Variants in PHGDH observed in about 807,000 individuals in gnomAD.
The protein encoded by PHGDH is phosphoglycerate dehydrogenase.
Under a neutral mutation model 52.6 loss-of-function variants are expected in PHGDH, and 50 were observed. The ratio of observed to expected loss-of-function variants is 0.95; its 90% CI spans 0.76 to 1.20. The LOEUF (loss-of-function observed/expected upper bound fraction) is 1.20, where lower values mean the gene tolerates loss of function less well. PHGDH is among the 50% of genes most tolerant of loss of function. The pLI is 0.00. For missense variants in PHGDH, 630 were observed against 684.6 expected (o/e 0.92, Z 0.89); for synonymous variants, 271 against 280.5 (o/e 0.97, Z 0.34).
At chr1:119,720,858 A>G (rs995256998) in intron 1 of PHGDH, 16 of 400,146 alleles carry the variant, frequency 4.0e-5, no homozygotes, top group Non-Finnish European at 7.1e-5. Context: ...TGCAGGCATC[A>G]TGGTGCTGTC....
At chr1:119,742,191 A>G (rs966918601) in intron 10 of PHGDH, 7 of 453,242 alleles carry the variant, frequency 1.5e-5, no homozygotes, top group African/African-American at 1.4e-4. Context: ...TCTGCCCGAC[A>G]TGGCTGCCAG....
rs1652224641 is a variant in PHGDH at position 119,741,873 on chromosome 1, G to A, written c.1185G>A (p.Leu395=). ...QADVNLVNAK[L]LVKEAGLNVT... ...ATGTGAACTTGGTGAACGCTAAGCT[G>A]CTGGTGAAAGAGGCTGGCCTCAATG... is the stretch of plus-strand genomic sequence containing the variant. The change falls in exon 10 of 12, where the codon CTG becomes CTA. Residue 395 remains leucine (L), a synonymous_variant. Coordinates refer to ENST00000641023, the MANE Select transcript of PHGDH (RefSeq NM_006623.4). The A allele has an allele frequency of 1.2e-6, 2 of 1,614,068 alleles. No homozygotes were observed. The highest frequency in any genetic ancestry group is 2.2e-5 in the South Asian group (2 of 91,082).
intron 8 of PHGDH, chr1:119,739,402 C>CTTGTCTGGA (rs889481447): frequency 1.6e-4 from 25 of 152,360 alleles, no homozygotes; most frequent in African/African-American, 4.3e-4. Context: ...TTGTCTGTGA[C>CTTGTCTGGA]TCCTTGGAGA....
At chr1:119,735,966 T>C (rs1218133412) in intron 7 of PHGDH, among the ~76,000 whole-genome samples, 4 of 152,196 alleles carry the variant, frequency 2.6e-5, no homozygotes, top group African/African-American at 9.7e-5. Context: ...GAGCAGAGGC[T>C]CAGCCTCACA....
intron 2 of PHGDH, among the ~76,000 whole-genome samples, chr1:119,721,842 A>T (rs1371388935): frequency 6.6e-6 from 1 of 152,152 alleles, no homozygotes; most frequent in Non-Finnish European, 1.5e-5. Context: ...CTAAGACACT[A>T]GTTTCTCTTT....
At chr1:119,727,149 T>A (rs1557972086) in intron 5 of PHGDH, 47 bp downstream of exon 5, 1 of 1,215,088 alleles carries the variant, frequency 8.2e-7, no homozygotes, top group Admixed American at 1.7e-5. Flanking sequence ...CTGCAGCAAT[T>A]TTGGGAAAGG....
rs2101220637 is a variant in PHGDH at position 119,741,758 on chromosome 1, T to C, written c.1079-9T>C. 2 of 1,613,504 alleles carry C rather than the reference T, an allele frequency of 1.2e-6. No homozygotes were observed. The highest frequency in any genetic ancestry group is 1.7e-6 in the Non-Finnish European group (2 of 1,179,430). The stretch of plus-strand genomic sequence containing the variant: ...CAGTGACCTCATGGTAGCTTCTCTC[T>C]GTCCCCAGGAACATCCCTGAAGAAT... On this transcript the variant is annotated splice_polypyrimidine_tract_variant and intron_variant, in intron 9 of 11. Coordinates refer to ENST00000641023, the MANE Select transcript of PHGDH (RefSeq NM_006623.4).
chr1:119,717,384 G>A (rs1650982143), intron 1 of PHGDH, among the ~76,000 whole-genome samples: 1 of 151,824 alleles, frequency 6.6e-6, no homozygotes, highest in African/African-American at 2.4e-5. Context: ...CTTTTTCCAT[G>A]CAGAAGTTTA....
rs369944394 is a variant in PHGDH at position 119,734,695 on chromosome 1, T to A, written c.572T>A (p.Leu191Gln). 1.8e-5 allele frequency: 29 copies of A among 1,613,962 alleles called. No homozygotes were observed. The African/African-American group carries it at 3.6e-4, about 20-fold the overall frequency. ...EVSASFGVQQ[L>Q]PLEEIWPLCD... Reference sequence around the variant, plus strand: ...TCGGCCTCCTTTGGTGTTCAGCAGCTGCCCCTGGAGGAGATCTGGCCTCTC... The same window carrying A: ...TCGGCCTCCTTTGGTGTTCAGCAGCAGCCCCTGGAGGAGATCTGGCCTCTC... Residue 191 changes from leucine to glutamine, a missense_variant, in exon 6 of 12, where the codon CTG (leucine) becomes CAG (glutamine). Leu to Gln is a moderately radical substitution (Grantham distance 113). Coordinates refer to ENST00000641023, the MANE Select transcript of PHGDH (RefSeq NM_006623.4).
chr1:119,733,367 A>G (rs1464432323), intron 5 of PHGDH, among the ~76,000 whole-genome samples: 1 of 142,668 alleles, frequency 7.0e-6, no homozygotes, highest in Non-Finnish European at 1.5e-5. Flanking sequence ...TTTCTGAGAC[A>G]TCTTGTTCTG....
At chr1:119,733,039 C>T (rs1398890814) in intron 5 of PHGDH, among the ~76,000 whole-genome samples, 3 of 152,218 alleles carry the variant, frequency 2.0e-5, no homozygotes, top group African/African-American at 4.8e-5. Context: ...CCCATCTCCT[C>T]GCCTGGACAC....
intron 3 of PHGDH, among the ~76,000 whole-genome samples, chr1:119,726,179 A>AGTGTGTGTGTGT (rs55671458): frequency 3.0e-5 from 4 of 131,268 alleles, no homozygotes; most frequent in East Asian, 2.3e-4. Flanking sequence ...GGCTGTGAAG[A>AGTGTGTGTGTGT]GTGTGTGTGT....
chr1:119,712,792 T>G (rs1650757614), intron 1 of PHGDH, among the ~76,000 whole-genome samples: 2 of 152,144 alleles, frequency 1.3e-5, no homozygotes, highest in South Asian at 4.1e-4. Context: ...TACCCGCCCC[T>G]CGTCTGATGC....
At chr1:119,735,262 G>A in intron 6 of PHGDH, 33 bp from the exon 7 acceptor site, 1 of 1,613,824 alleles carries the variant, frequency 6.2e-7, no homozygotes, top group African/African-American at 1.3e-5. Flanking sequence ...TCCTGGTGCT[G>A]CCCCAGCAGG....
chr1:119,737,021 T>G (rs1473534423), intron 7 of PHGDH, 93 bp from the exon 8 acceptor site: 3 of 1,253,230 alleles, frequency 2.4e-6, no homozygotes, highest in Non-Finnish European at 3.5e-6. Context: ...AACTCCTGAC[T>G]GCCTTCCCTC....
At chr1:119,734,940 G>A (rs1229396211) in intron 6 of PHGDH, 174 bp downstream of exon 6, 2 of 730,204 alleles carry the variant, frequency 2.7e-6, no homozygotes, top group Non-Finnish European at 2.4e-6. Flanking sequence ...AGGGGAGGGT[G>A]AGCCAGCTAG....
intron 2 of PHGDH, among the ~76,000 whole-genome samples, chr1:119,722,139 A>G (rs1227971332): frequency 6.6e-6 from 1 of 152,222 alleles, no homozygotes. Context: ...ATGTTAAACG[A>G]TAACCCATCC....
chr1:119,713,578 A>G (rs181530024), intron 1 of PHGDH: 4 of 152,424 alleles, frequency 2.6e-5, no homozygotes, highest in Non-Finnish European at 4.4e-5. Flanking sequence ...CCTTCTGGAA[A>G]AGCCAGAGAA....
At chr1:119,717,504 T>A (rs1196434150) in intron 1 of PHGDH, among the ~76,000 whole-genome samples, 1 of 152,142 alleles carries the variant, frequency 6.6e-6, no homozygotes, top group Non-Finnish European at 1.5e-5. Flanking sequence ...TCCCCTGACA[T>A]TTTCTTTTAA....
Sources: allele counts gnomAD v4.1 joint callset (sites outside exome capture counted in the v4.1 genomes callset), GRCh38; gene constraint gnomAD v4.1.1; transcripts MANE v1.5; gene names NCBI Gene and HGNC (gene_info 2026-07-23, HGNC 2026-07-21).